FAM135B: variants seen among roughly 807,000 people sequenced by gnomAD.
The protein encoded by FAM135B is protein FAM135B.
In FAM135B, 43 loss-of-function variants were observed where a neutral mutation model predicts 127.7. That is an observed-to-expected ratio of 0.34 (90% CI 0.26 to 0.43). The LOEUF is 0.43. Among genes scored for constraint, FAM135B ranks in the 20% least tolerant of loss-of-function variants. The pLI, the probability that FAM135B is intolerant of heterozygous loss-of-function variation, is 1.00. For missense variants in FAM135B, 1,558 were observed against 1,725.6 expected, an observed-to-expected ratio of 0.90 and a Z score of 1.72; for synonymous variants, 670 against 665.1, an observed-to-expected ratio of 1.01 and a Z score of -0.11.
intron 3 of FAM135B, among the ~76,000 whole-genome samples, chr8:138,276,755 T>G (rs1051893009): frequency 1.3e-5 from 2 of 152,146 alleles, no homozygotes; most frequent in African/African-American, 4.8e-5. Context: ...AGGGTTGCAC[T>G]TGCAGTCTGG....
intron 1 of FAM135B, among the ~76,000 whole-genome samples, chr8:138,461,408 A>C (rs1342045800): frequency 6.6e-6 from 1 of 152,218 alleles, no homozygotes; most frequent in Non-Finnish European, 1.5e-5. Context: ...GAGATTACAA[A>C]AATTCCTTTC....
chr8:138,283,162 G>A (rs900345969), intron 3 of FAM135B, among the ~76,000 whole-genome samples: 1 of 152,062 alleles, frequency 6.6e-6, no homozygotes. Context: ...GCCTCCCAAA[G>A]TTCATAGCAG....
rs1328882882 is a variant in FAM135B at position 138,151,390 on chromosome 8, C to T, written c.3085G>A (p.Glu1029Lys). 1.2e-6 allele frequency: 2 copies of T among 1,613,670 alleles called. No homozygotes were observed. Among genetic ancestry groups the T allele is most frequent in the Non-Finnish European group, 1.7e-6 (2 of 1,179,856 alleles). Residue 1029 changes from glutamate (E) to lysine (K), a missense_variant, in exon 13 of 20, where the codon GAG becomes AAG. This residue lies in a region of FAM135B where 923 missense variants were observed against 865.3 expected (regional missense o/e 1.07). Transcript: ENST00000395297. ...CAAGACACAGATAAGTTCACAACCT[C>T]CACAGCCTTCAGGCTGTCCAGAGTA... ...TFTLDSLKAV[E>K]VVNLSVSCTA... is the part of the protein sequence containing the mutation.
intron 1 of FAM135B, among the ~76,000 whole-genome samples, chr8:138,436,660 G>C (rs75773452): frequency 3.2e-3 from 490 of 152,272 alleles, no homozygotes; most frequent in African/African-American, 0.011. Flanking sequence ...GGGCATATTT[G>C]ATTCTGACTG....
intron 1 of FAM135B, among the ~76,000 whole-genome samples, chr8:138,395,697 G>T (rs544937994): frequency 2.0e-5 from 3 of 152,202 alleles, no homozygotes; most frequent in Non-Finnish European, 2.9e-5. Flanking sequence ...AAAGAGGATT[G>T]CCAATCTCTG....
intron 1 of FAM135B, among the ~76,000 whole-genome samples, chr8:138,370,686 G>A (rs1439178488): frequency 1.1e-4 from 16 of 152,078 alleles, no homozygotes; most frequent in Admixed American, 7.9e-4. Flanking sequence ...TCCTGACCTC[G>A]TGATCTGCCC....
At position 138,338,776 on chromosome 8, in the gene FAM135B, T is replaced by C. The variant is rs554336612; in HGVS notation, c.78-27856A>G. Among the ~76,000 whole-genome samples the C allele has an allele frequency of 9.2e-5, 14 of 152,246 alleles. No individual in the cohort carries two copies. The South Asian group carries it at 2.9e-3, about 32-fold the overall frequency. ...CACTACTGGGTATATACCCAAAGGA[T>C]TATAAATCATGCTGCTATAAAGACA... On this transcript the variant is annotated intron_variant, in intron 2 of 19. Transcript: ENST00000395297.
intron 1 of FAM135B, among the ~76,000 whole-genome samples, chr8:138,464,342 A>G (rs1051707584): frequency 2.0e-5 from 3 of 152,140 alleles, no homozygotes; most frequent in Admixed American, 1.3e-4. Context: ...GGTGGGGCTT[A>G]CCAAATAACC....
intron 1 of FAM135B, among the ~76,000 whole-genome samples, chr8:138,430,400 A>G (rs1835133298): frequency 3.3e-5 from 5 of 152,210 alleles, no homozygotes; most frequent in Admixed American, 3.3e-4. Context: ...GCTTAAATTA[A>G]TAATGATTTG....
Position 138,222,630 on chromosome 8 carries a change from T to C in FAM135B, c.669+20312A>G, listed in dbSNP as rs952014002. Reference sequence around the variant, plus strand: ...AGTAAGTAGAATAGTTATATTTAGATGTGGTGGGGTTTTTTGTTTGTTTGT... The same window carrying C: ...AGTAAGTAGAATAGTTATATTTAGACGTGGTGGGGTTTTTTGTTTGTTTGT... On this transcript the variant is annotated intron_variant, in intron 7 of 19. Transcript: ENST00000395297. Among the ~76,000 whole-genome samples, 16 of 151,530 alleles carry C rather than the reference T, an allele frequency of 1.1e-4. No homozygotes were observed. The East Asian group carries it at 2.5e-3, about 24-fold the overall frequency.
At chr8:138,408,183 C>T (rs1833641543) in intron 1 of FAM135B, among the ~76,000 whole-genome samples, 1 of 152,220 alleles carries the variant, frequency 6.6e-6, no homozygotes, top group Non-Finnish European at 1.5e-5. Context: ...TGAAGCCAGG[C>T]AATGACTTCT....
chr8:138,324,306 C>A (rs1320735170), intron 2 of FAM135B, among the ~76,000 whole-genome samples: 1 of 152,180 alleles, frequency 6.6e-6, no homozygotes, highest in Admixed American at 6.5e-5. Flanking sequence ...GGTAAGAGAT[C>A]TACGTAGTAT....
At chr8:138,312,011 A>T (rs749693813) in intron 2 of FAM135B, among the ~76,000 whole-genome samples, 3 of 152,096 alleles carry the variant, frequency 2.0e-5, no homozygotes, top group Non-Finnish European at 4.4e-5. Flanking sequence ...TAGTGGTATG[A>T]TCTCAGCTAA....
At chr8:138,442,865 G>C (rs1835886605) in intron 1 of FAM135B, among the ~76,000 whole-genome samples, 1 of 152,108 alleles carries the variant, frequency 6.6e-6, no homozygotes, top group South Asian at 2.1e-4. Flanking sequence ...AATGGAGTTT[G>C]GGAAATGGAT....
In FAM135B at chr8:138,484,334, T is replaced by C. The variant is rs541091771; in HGVS notation, c.-20+12337A>G. 2.0e-4 allele frequency among the ~76,000 whole-genome samples: 31 copies of C among 152,314 alleles called. 1 individual carries two copies. Among genetic ancestry groups the C allele is most frequent in the Admixed American group, 2.0e-3 (31 of 15,304 alleles). Reference sequence around the variant, plus strand: ...TATTTTGAGGTTTTATTTGGGTTTCTTTATTGGCTGAGAGGGAAATGGTTT... The same window carrying C: ...TATTTTGAGGTTTTATTTGGGTTTCCTTATTGGCTGAGAGGGAAATGGTTT... On this transcript the variant is annotated intron_variant, in intron 1 of 19. Transcript: ENST00000395297.
intron 1 of FAM135B, among the ~76,000 whole-genome samples, chr8:138,478,267 C>T (rs1814609003): frequency 6.6e-6 from 1 of 152,088 alleles, no homozygotes; most frequent in South Asian, 2.1e-4. Context: ...TAACAAGCGC[C>T]CCTGAAAACC....
rs115085707 is a variant in FAM135B at position 138,256,362 on chromosome 8, T to C, written c.368+327A>G. Among the ~76,000 whole-genome samples the C allele has an allele frequency of 1.0e-3, 154 of 152,296 alleles. 2 individuals carry two copies. The highest frequency in any genetic ancestry group is 3.2e-3 in the African/African-American group (135 of 41,572). On this transcript the variant is annotated intron_variant, in intron 5 of 19. Coordinates refer to ENST00000395297, the MANE Select transcript of FAM135B (RefSeq NM_015912.4). ...AGGGGATTTGCCATTTGTAGCCTCA[T>C]AGGGTCATTAATCTAAAACCCCCAA...
chr8:138,231,412 G>A (rs1819897782), intron 7 of FAM135B, among the ~76,000 whole-genome samples: 1 of 152,182 alleles, frequency 6.6e-6, no homozygotes, highest in Admixed American at 6.5e-5. Flanking sequence ...CCTCACACCT[G>A]AGGGGTTTAA....
intron 1 of FAM135B, among the ~76,000 whole-genome samples, chr8:138,432,747 C>T (rs1222649549): frequency 3.3e-5 from 5 of 152,018 alleles, no homozygotes; most frequent in African/African-American, 1.2e-4. Flanking sequence ...ATAGCTGGTT[C>T]CGATACACAT....
Sources: gnomAD v4.1 joint callset for allele counts (sites outside exome capture counted in the v4.1 genomes callset) on GRCh38, gnomAD v4.1.1 for gene constraint, gnomAD v4.1.1 regional missense constraint, MANE v1.5 for transcripts, NCBI Gene and HGNC (gene_info 2026-07-23, HGNC 2026-07-21) for gene names.